FAAH2: variants seen among roughly 807,000 people sequenced by gnomAD.
FAAH2 encodes the protein fatty acid amide hydrolase 2, also known as fatty-acid amide hydrolase 2.
In FAAH2, 60 loss-of-function variants were observed where a neutral mutation model predicts 36.9. That is an observed-to-expected ratio of 1.63 (90% confidence interval 1.32 to 2.02). The LOEUF (loss-of-function observed/expected upper bound fraction) is 2.02, where lower values mean the gene tolerates loss of function less well. Ranked by LOEUF, FAAH2 falls within the 30% of genes most tolerant of loss-of-function variation. FAAH2 has a pLI of 0.00. For synonymous variants in FAAH2, 214 were observed against 143.8 expected (o/e 1.49, Z -3.49); for missense variants, 689 against 397.5 (o/e 1.73, Z -6.23).
At chrX:57,380,166 G>C (rs1013846618) in intron 6 of FAAH2, among the ~76,000 whole-genome samples, 2 of 110,152 alleles carry the variant, frequency 1.8e-5, no homozygotes, top group African/African-American at 6.6e-5. Context: ...TGCCTTACTG[G>C]CTCTTCTTCC....
At chrX:57,324,034 G>A (rs1210687247) in intron 3 of FAAH2, among the ~76,000 whole-genome samples, 1 of 111,823 alleles carries the variant, frequency 8.9e-6, no homozygotes, top group South Asian at 3.7e-4. Flanking sequence ...GTAAGGAAGG[G>A]ATCCAGTTTC....
Position 57,448,550 on chromosome X carries a change from A to G in FAAH2, c.1255A>G (p.Arg419Gly). 1 of 1,210,775 alleles carries G rather than the reference A, an allele frequency of 8.3e-7. No individual in the cohort carries two copies. The highest frequency in any genetic ancestry group is 1.8e-5 in the South Asian group (1 of 56,795). Residue 419 changes from arginine (R) to glycine (G), a missense_variant, in exon 10 of 11, where the codon AGA (arginine) becomes GGA (glycine). Physicochemically the swap from Arg to Gly is moderately radical, Grantham distance 125. Coordinates refer to ENST00000374900, the MANE Select transcript of FAAH2 (RefSeq NM_174912.4). ...ACTGGCTTTGTTGGAAGAAAAGCTC[A>G]GATATAGCAATGAGAAATACCAAAA... ...IGLALLEEKL[R>G]YSNEKYQKFK... is the part of the protein sequence containing the mutation.
At chrX:57,406,726 C>A (rs1381844259) in intron 7 of FAAH2, among the ~76,000 whole-genome samples, 1 of 112,831 alleles carries the variant, frequency 8.9e-6, no homozygotes, top group Non-Finnish European at 1.9e-5. Flanking sequence ...CCAAAACATA[C>A]AGTTCTGTGG....
the FAAH2 span, among the ~76,000 whole-genome samples, chrX:57,166,516 C>T: frequency 8.9e-6 from 1 of 112,105 alleles, no homozygotes; most frequent in African/African-American, 3.2e-5. Flanking sequence ...AGAAGTAAGA[C>T]TCACCCCCAT....
At chrX:57,138,691 G>T in the FAAH2 span, among the ~76,000 whole-genome samples, 17,696 of 110,683 alleles carry the variant, frequency 0.16, 1,495 homozygotes, top group Non-Finnish European at 0.25. Flanking sequence ...AATTTACAAG[G>T]ATACCTCTTT....
At chrX:57,197,182 T>C in the FAAH2 span, among the ~76,000 whole-genome samples, 13 of 112,134 alleles carry the variant, frequency 1.2e-4, no homozygotes, top group African/African-American at 3.9e-4. Context: ...TTTCACTGTA[T>C]TTTGCATTTC....
At chrX:57,197,296 T>A in the FAAH2 span, among the ~76,000 whole-genome samples, 1 of 112,231 alleles carries the variant, frequency 8.9e-6, no homozygotes, top group African/African-American at 3.2e-5. Context: ...TTTTGTTTTT[T>A]AAATTTGGTT....
intron 8 of FAAH2, among the ~76,000 whole-genome samples, chrX:57,435,676 G>A (rs1296303767): frequency 9.0e-6 from 1 of 110,546 alleles, no homozygotes; most frequent in African/African-American, 3.3e-5. Flanking sequence ...ACTCAATACT[G>A]GAGCAACCAG....
chrX:57,381,062 T>G, intron 7 of FAAH2, 33 bp downstream of exon 7: 2 of 1,046,086 alleles, frequency 1.9e-6, no homozygotes, highest in Non-Finnish European at 2.6e-6. Context: ...TAGGAATTAT[T>G]TTTAGTCAAA....
At chrX:57,406,290 A>G (rs2055565937) in intron 7 of FAAH2, among the ~76,000 whole-genome samples, 1 of 112,302 alleles carries the variant, frequency 8.9e-6, no homozygotes, top group African/African-American at 3.2e-5. Context: ...CTGGCACACT[A>G]TCTTCTGTGA....
At chrX:57,307,312 G>A (rs1272985739) in intron 2 of FAAH2, among the ~76,000 whole-genome samples, 1 of 108,597 alleles carries the variant, frequency 9.2e-6, no homozygotes, top group Non-Finnish European at 1.9e-5. Context: ...GTAGCTAATT[G>A]CATAATATCA....
rs2057520976 is a variant in FAAH2, at chrX:57,488,844, C to T, written c.1511C>T (p.Ala504Val). The T allele has an allele frequency of 8.3e-7, 1 of 1,209,309 alleles. No homozygotes were observed. Among genetic ancestry groups the T allele is most frequent in the African/African-American group, 1.8e-5 (1 of 57,004 alleles). The stretch of plus-strand genomic sequence containing the variant: ...CTCCCTTTAGGCATCCAGGTTGTGG[C>T]TGGACCCTTTAATGATCATCTGACC... ...KGLPLGIQVV[A>V]GPFNDHLTLA... Residue 504 changes from alanine (A) to valine (V), a missense_variant, in exon 11 of 11, where the codon GCT becomes GTT. Ala to Val is a moderately conservative substitution (Grantham distance 64). Transcript: ENST00000374900.
At chrX:57,417,156 G>A (rs1358576299) in intron 7 of FAAH2, among the ~76,000 whole-genome samples, 2 of 110,887 alleles carry the variant, frequency 1.8e-5, no homozygotes, top group Non-Finnish European at 1.9e-5. Context: ...AGCTTTTTTT[G>A]CATTGGGTTA....
At chrX:57,228,854 T>C in the FAAH2 span, among the ~76,000 whole-genome samples, 523 of 111,494 alleles carry the variant, frequency 4.7e-3, 3 homozygotes, top group African/African-American at 0.016. Flanking sequence ...TGATTTTGAA[T>C]AAATGCAACG....
chrX:57,420,900 TA>T (rs754609445), intron 7 of FAAH2, among the ~76,000 whole-genome samples: 1 of 112,161 alleles, frequency 8.9e-6, no homozygotes, highest in Admixed American at 9.5e-5. Context: ...GTCCCATCAG[TA>T]CCTAATTCAT....
chrX:57,228,229 C>T, the FAAH2 span, among the ~76,000 whole-genome samples: 4 of 111,610 alleles, frequency 3.6e-5, no homozygotes, highest in Admixed American at 9.5e-5. Context: ...AGTTTTACCC[C>T]CTGCTCCTCT....
chrX:57,161,095 T>C, the FAAH2 span, among the ~76,000 whole-genome samples: 3 of 112,274 alleles, frequency 2.7e-5, no homozygotes, highest in African/African-American at 9.7e-5. Context: ...ACATCTTTAT[T>C]TCTGCCTTCA....
At chrX:57,379,699 C>T (rs1032750113) in intron 6 of FAAH2, among the ~76,000 whole-genome samples, 1 of 110,432 alleles carries the variant, frequency 9.1e-6, no homozygotes, top group African/African-American at 3.3e-5. Flanking sequence ...TTGCCAGATC[C>T]TTTGTGTGAA....
intron 7 of FAAH2, among the ~76,000 whole-genome samples, chrX:57,383,080 T>C (rs1307573107): frequency 9.0e-6 from 1 of 111,592 alleles, no homozygotes; most frequent in Non-Finnish European, 1.9e-5. Context: ...AAAAACCACA[T>C]GATTATCTCA....
Sources: gnomAD v4.1 joint callset for allele counts (sites outside exome capture counted in the v4.1 genomes callset) on GRCh38, gnomAD v4.1.1 for gene constraint, MANE v1.5 for transcripts, NCBI Gene and HGNC (gene_info 2026-07-23, HGNC 2026-07-21) for gene names.